The following WAS variants were observed in gnomAD, a reference collection of about 807,000 sequenced individuals.
The protein encoded by WAS is actin nucleation-promoting factor WAS.
A neutral mutation model predicts 38.9 loss-of-function variants in WAS; 1 was observed. The ratio of observed to expected loss-of-function variants is 0.03; its 90% CI spans 0.01 to 0.12. The LOEUF (loss-of-function observed/expected upper bound fraction) is 0.12, where lower values mean the gene tolerates loss of function less well. Ranked by LOEUF, WAS falls within the 10% of genes least tolerant of loss-of-function variation. The pLI, the probability that WAS is intolerant of heterozygous loss-of-function variation, is 1.00. For missense variants in WAS, 311 were observed against 431.2 expected (o/e 0.72, Z 2.47); for synonymous variants, 182 against 173.6 (o/e 1.05, Z -0.38).
At chrX:48,677,741 G>A (rs3975651) in intron 1 of WAS, among the ~76,000 whole-genome samples, 1 of 111,556 alleles carries the variant, frequency 9.0e-6, no homozygotes. Flanking sequence ...TGCCCACAGC[G>A]TCAGTGAACT....
chrX:48,677,599 G>A lies in WAS; in HGVS notation c.-131+851G>A, dbSNP rs138380289. Among the ~76,000 whole-genome samples, 1,023 of 112,049 alleles carry A rather than the reference G, an allele frequency of 9.1e-3. 10 individuals are homozygous for A. Among genetic ancestry groups the A allele is most frequent in the Non-Finnish European group, 0.014 (733 of 53,168 alleles). On this transcript the variant is annotated intron_variant, in intron 1 of 8. Coordinates refer to the WAS transcript ENST00000450772. The stretch of plus-strand genomic sequence containing the variant: ...CTGAGAAGCGCCAGGGCCAGGGCAA[G>A]GGTCAGGCTGTGCACTCTGGACTCT...
At chrX:48,682,902 AAAG>A (rs2062405815), upstream of WAS, among the ~76,000 whole-genome samples, 1 of 108,621 alleles carries the variant, frequency 9.2e-6, no homozygotes. Context: ...TCAAAAAAAA[AAAG>A]AAAAAAAAAA....
chrX:48,686,431 T>G (rs1416400825), intron 6 of WAS, among the ~76,000 whole-genome samples: 1 of 112,131 alleles, frequency 8.9e-6, no homozygotes, highest in Non-Finnish European at 1.9e-5. Context: ...AATTAATCAA[T>G]GAGTGAATGA....
upstream of WAS, among the ~76,000 whole-genome samples, chrX:48,680,830 C>A (rs1271524990): frequency 4.5e-5 from 5 of 112,069 alleles, no homozygotes; most frequent in African/African-American, 1.6e-4. Flanking sequence ...AGTAGCCATT[C>A]TTTATTCCTT....
rs2062414683 is a variant in WAS at position 48,685,020 on chromosome X, GAT to G, written c.274-526_274-525del. Among the ~76,000 whole-genome samples, 6 of 111,282 alleles carry G rather than the reference GAT, an allele frequency of 5.4e-5. No individual in the cohort carries two copies. The South Asian group carries it at 2.2e-3, about 42-fold the overall frequency. On this transcript the variant is annotated intron_variant, in intron 2 of 11. Coordinates refer to ENST00000376701, the MANE Select transcript of WAS (RefSeq NM_000377.3). ...AAATTCATCCTTTTAAACCCATAAAGATGGACCCAGCATAACTTCCAGATCCC... is the reference window on the plus strand; with the variant it reads ...AAATTCATCCTTTTAAACCCATAAAGGGACCCAGCATAACTTCCAGATCCC...
At chrX:48,683,706 C>T (rs1557006176), upstream of WAS, 3 of 884,087 alleles carry the variant, frequency 3.4e-6, no homozygotes, top group Admixed American at 3.7e-5. Flanking sequence ...ACGAGGAGGC[C>T]AGGCCCACCA....
intron 10 of WAS, 111 bp from the exon 11 acceptor site, chrX:48,689,209 A>C (rs1332685716): frequency 7.4e-6 from 7 of 942,101 alleles, no homozygotes; most frequent in Non-Finnish European, 1.0e-5. Context: ...GTTGGTGGGA[A>C]GCCTTGAAGG....
intron 1 of WAS, among the ~76,000 whole-genome samples, chrX:48,678,646 C>T (rs1227141407): frequency 9.0e-6 from 1 of 110,985 alleles, no homozygotes; most frequent in Non-Finnish European, 1.9e-5. Context: ...ATTAGACCAA[C>T]TCTCCTGCTG....
intron 7 of WAS, among the ~76,000 whole-genome samples, chrX:48,687,601 G>A (rs1039169445): frequency 3.6e-5 from 4 of 110,770 alleles, no homozygotes; most frequent in African/African-American, 9.9e-5. Context: ...ACAGTTCAAT[G>A]GATAAGTGAA....
upstream of WAS, among the ~76,000 whole-genome samples, chrX:48,681,009 C>T (rs2062399491): frequency 9.0e-6 from 1 of 111,676 alleles, no homozygotes; most frequent in Non-Finnish European, 1.9e-5. Context: ...AGAATTTTAT[C>T]TTGGCCTCCA....
chrX:48,688,696 G>C lies in WAS; in HGVS notation c.968G>C (p.Gly323Ala). 1 of 1,191,385 alleles carries C rather than the reference G, an allele frequency of 8.4e-7. No individual in the cohort carries two copies. Among genetic ancestry groups the C allele is most frequent in the Non-Finnish European group, 1.1e-6 (1 of 885,752 alleles). Residue 323 changes from glycine (G) to alanine (A), a missense_variant, in exon 10 of 12, where the codon GGG (glycine) becomes GCG (alanine). Physicochemically the swap from Gly to Ala is moderately conservative, Grantham distance 60. This residue lies in a region of WAS where 74 missense variants were observed against 131.2 expected (regional missense o/e 0.56). Transcript: ENST00000376701. ...CCGCCCCCACCGCCATCTCGAGGAG[G>C]GAACCAGCTCCCCCGGCCCCCTATT... ...LPPPPPPSRGGNQLPRPPIVG... is the reference protein window; with the variant it reads ...LPPPPPPSRGANQLPRPPIVG...
upstream of WAS, chrX:48,683,448 C>T (rs782185805): frequency 2.3e-4 from 32 of 139,522 alleles, no homozygotes; most frequent in Admixed American, 8.5e-4. Flanking sequence ...CAGCCTCAGG[C>T]TACCTAGGTG....
chrX:48,689,697 T>G (rs948105007), intron 11 of WAS: 2 of 326,996 alleles, frequency 6.1e-6, no homozygotes, highest in African/African-American at 8.5e-5. Flanking sequence ...ACATGTTCAG[T>G]ACTATTAACA....
At chrX:48,689,213 T>C (rs2062432016) in intron 10 of WAS, 107 bp from the exon 11 acceptor site, 1 of 949,680 alleles carries the variant, frequency 1.1e-6, no homozygotes, top group African/African-American at 1.9e-5. Flanking sequence ...GTGGGAAGCC[T>C]TGAAGGGGAC....
intron 11 of WAS, 75 bp downstream of exon 11, chrX:48,689,509 C>A: frequency 1.1e-6 from 1 of 872,665 alleles, no homozygotes; most frequent in Non-Finnish European, 1.7e-6. Flanking sequence ...CCAGCAGTCA[C>A]CACCAATAGT....
intron 1 of WAS, among the ~76,000 whole-genome samples, chrX:48,677,232 T>G (rs782550803): frequency 1.2e-4 from 13 of 110,592 alleles, no homozygotes; most frequent in African/African-American, 4.3e-4. Context: ...AACTCTGAGA[T>G]GGGCTTTGCA....
chrX:48,684,634 G>T (rs946140562), intron 2 of WAS, among the ~76,000 whole-genome samples: 1 of 111,687 alleles, frequency 9.0e-6, no homozygotes, highest in African/African-American at 3.3e-5. Context: ...GATCTCTAAA[G>T]CCCCCAGTAT....
At chrX:48,689,278 C>T (rs1197342734) in intron 10 of WAS, 42 bp from the exon 11 acceptor site, 2 of 1,109,261 alleles carry the variant, frequency 1.8e-6, no homozygotes, top group South Asian at 1.9e-5. Context: ...ATGCTCCTTT[C>T]CCAGGCCCTA....
At chrX:48,690,699 C>T (rs1294795290) in intron 11 of WAS, among the ~76,000 whole-genome samples, 1 of 109,511 alleles carries the variant, frequency 9.1e-6, no homozygotes, top group African/African-American at 3.3e-5. Context: ...CTCAGCCTTC[C>T]GAGTAGCTGG....
Sources: allele counts gnomAD v4.1 joint callset (sites outside exome capture counted in the v4.1 genomes callset), GRCh38; gene constraint gnomAD v4.1.1; regional missense constraint gnomAD v4.1.1; transcripts MANE v1.5; gene names NCBI Gene and HGNC (gene_info 2026-07-23, HGNC 2026-07-21).